The following TMEM236 variants were observed in gnomAD, a reference collection of about 807,000 sequenced individuals.
The protein encoded by TMEM236 is transmembrane protein 236, also known as family with sequence similarity 23, member A.
Under a neutral mutation model 14.7 loss-of-function variants are expected in TMEM236, and 11 were observed. The observed-to-expected ratio is 0.75, with a 90% CI of 0.47 to 1.24. TMEM236 has a LOEUF of 1.24. Ranked by LOEUF, TMEM236 falls within the 50% of genes most tolerant of loss-of-function variation. TMEM236 has a pLI of 0.00. For synonymous variants in TMEM236, 182 were observed against 168.6 expected, an observed-to-expected ratio of 1.08 and a Z score of -0.62; for missense variants, 464 against 427.3, an observed-to-expected ratio of 1.09 and a Z score of -0.76.
In TMEM236 at chr10:17,796,690, A is replaced by AC; in HGVS notation, c.*186_*187insC. ...TACATATACAAATGGTGCTAAATTTAAGTAAAGTAATATTCTTATAAGTTG... is the reference window on the plus strand; with the variant it reads ...TACATATACAAATGGTGCTAAATTTACAGTAAAGTAATATTCTTATAAGTTG... On this transcript the variant is annotated 3_prime_UTR_variant, in exon 4 of 4. Coordinates refer to ENST00000377495, the MANE Select transcript of TMEM236 (RefSeq NM_001098844.3). 1.6e-6 allele frequency: 1 copy of AC among 609,232 alleles called. No homozygotes were observed. The allele number at this position is 609,232 out of a possible 1,614,324, so 37.7% of individuals were successfully genotyped here.
At position 17,796,360 on chromosome 10, in the gene TMEM236, T is replaced by C. The variant is rs1838015396; in HGVS notation, c.912T>C (p.Val304=). ...TGCAAGATTTACCATTCGTTTTTGTTAGACTTGGTTTAATCATTGCCCTGG... is the reference window on the plus strand; with the variant it reads ...TGCAAGATTTACCATTCGTTTTTGTCAGACTTGGTTTAATCATTGCCCTGG... The part of the protein sequence containing the change: ...VLLQDLPFVF[V]RLGLIIALGT... The change falls in exon 4 of 4, where the codon GTT becomes GTC. Residue 304 remains valine (V), a synonymous_variant. Transcript: ENST00000377495. 2 of 1,613,952 alleles carry C rather than the reference T, an allele frequency of 1.2e-6. No individual in the cohort carries two copies. The highest frequency in any genetic ancestry group is 4.5e-5 in the East Asian group (2 of 44,892).
chr10:17,781,862 G>A (rs905921603), intron 3 of TMEM236, among the ~76,000 whole-genome samples: 1 of 151,890 alleles, frequency 6.6e-6, no homozygotes, highest in Non-Finnish European at 1.5e-5. Flanking sequence ...GTGTTTAAGA[G>A]TTGATGTTTT....
In TMEM236 at chr10:17,777,895, T is replaced by C. The variant is rs973552364; in HGVS notation, c.472+1725T>C. On this transcript the variant is annotated intron_variant, in intron 3 of 3. Transcript: ENST00000377495. ...CTGGGATTGCAGGCATGTGCCACCA[T>C]GCGTGGCTAATTTTTGTATTTTTAG... Among the ~76,000 whole-genome samples, 11 of 151,370 alleles carry C rather than the reference T, an allele frequency of 7.3e-5. No homozygotes were observed. The South Asian group carries it at 2.1e-3, about 29-fold the overall frequency.
At chr10:17,793,749 CTGGGATTACAGGCGTGAG>C (rs1837965450) in intron 3 of TMEM236, among the ~76,000 whole-genome samples, 1 of 152,190 alleles carries the variant, frequency 6.6e-6, no homozygotes, top group African/African-American at 2.4e-5. Flanking sequence ...TCCCAAACTG[CTGGGATTACAGGCGTGAG>C]CCATCACGCC....
At chr10:17,770,468 CT>C (rs1837551229) in intron 1 of TMEM236, among the ~76,000 whole-genome samples, 1 of 152,144 alleles carries the variant, frequency 6.6e-6, no homozygotes, top group Admixed American at 6.5e-5. Context: ...ACTGCAAGCT[CT>C]GCCTCCCGGG....
chr10:17,798,942 T>C lies in TMEM236; in HGVS notation c.*2438T>C. The C allele has an allele frequency of 3.0e-6, 1 of 332,122 alleles. No homozygotes were observed. Among genetic ancestry groups the C allele is most frequent in the Non-Finnish European group, 5.9e-6 (1 of 170,930 alleles). The allele number at this position is 332,122 out of a possible 1,614,324, so 20.6% of individuals were successfully genotyped here. Reference sequence around the variant, plus strand: ...GTTTTATTCTTTTCTGTGGCCCTGCTCACCCTCTGGGAATAATCATTTCAA... The same window carrying C: ...GTTTTATTCTTTTCTGTGGCCCTGCCCACCCTCTGGGAATAATCATTTCAA... On this transcript the variant is annotated 3_prime_UTR_variant, in exon 4 of 4. Transcript: ENST00000377495.
chr10:17,798,653 A>T lies in TMEM236; in HGVS notation c.*2149A>T, dbSNP rs1480214929. On this transcript the variant is annotated 3_prime_UTR_variant, in exon 4 of 4. Transcript: ENST00000377495. ...TAGGATTTTTCTCACACTGTAAAAG[A>T]AGATTTACTCACAGTTGTTAAAAGC... 3 of 534,432 alleles carry T rather than the reference A, an allele frequency of 5.6e-6. No homozygotes were observed. The highest frequency in any genetic ancestry group is 1.2e-5 in the Non-Finnish European group (3 of 259,936). 33.1% of individuals were successfully genotyped at this position (534,432 alleles called of 1,614,324 possible).
intron 3 of TMEM236, among the ~76,000 whole-genome samples, chr10:17,792,297 A>G (rs1419597953): frequency 1.3e-5 from 2 of 152,214 alleles, no homozygotes; most frequent in Non-Finnish European, 2.9e-5. Flanking sequence ...CACGTTAGCC[A>G]GGTTGATCTG....
chr10:17,772,500 C>T (rs1021276830), intron 2 of TMEM236, among the ~76,000 whole-genome samples: 21 of 152,194 alleles, frequency 1.4e-4, no homozygotes, highest in East Asian at 9.6e-4. Flanking sequence ...AACATCACTG[C>T]GGTAAACTGA....
intron 3 of TMEM236, among the ~76,000 whole-genome samples, chr10:17,776,544 T>A (rs1449540052): frequency 1.3e-5 from 2 of 152,230 alleles, no homozygotes; most frequent in African/African-American, 4.8e-5. Flanking sequence ...GTTTGGAGAC[T>A]TTTACTACAG....
chr10:17,775,266 T>C (rs1837641301), intron 2 of TMEM236, among the ~76,000 whole-genome samples: 1 of 152,036 alleles, frequency 6.6e-6, no homozygotes. Context: ...TTTGTTATTG[T>C]GGTTTGTTTT....
chr10:17,784,790 T>C (rs1837807023), intron 3 of TMEM236, among the ~76,000 whole-genome samples: 1 of 151,924 alleles, frequency 6.6e-6, no homozygotes. Context: ...CTGAGAACAA[T>C]GGAGATGGAT....
intron 3 of TMEM236, among the ~76,000 whole-genome samples, chr10:17,778,904 G>A (rs1453745389): frequency 1.3e-5 from 2 of 152,206 alleles, no homozygotes; most frequent in African/African-American, 2.4e-5. Context: ...TACTAACTTC[G>A]TATTACCAGT....
intron 3 of TMEM236, among the ~76,000 whole-genome samples, chr10:17,781,785 CGTGTGTGTGTTGTAT>C (rs1324081636): frequency 4.1e-5 from 6 of 147,128 alleles, no homozygotes; most frequent in African/African-American, 1.5e-4. Flanking sequence ...AATTTGCATG[CGTGTGTGTGTTGTAT>C]GTGTGTGTTT....
Position 17,752,418 on chromosome 10 carries a change from A to G in TMEM236, c.123A>G (p.Arg41=), listed in dbSNP as rs937611415. 6,950 of 1,613,962 alleles carry G rather than the reference A, an allele frequency of 4.3e-3. 31 individuals are homozygous for G. Among genetic ancestry groups the G allele is most frequent in the Non-Finnish European group, 4.9e-3 (5,779 of 1,179,872 alleles). ...CCGCCTACCAAGGAACAAGGGCTAGATCTGACAACACACACTACTGGCTGA... is the reference window on the plus strand; with the variant it reads ...CCGCCTACCAAGGAACAAGGGCTAGGTCTGACAACACACACTACTGGCTGA... The part of the protein sequence containing the change: ...FATAYQGTRA[R]SDNTHYWLII... Residue 41 remains arginine (R), a synonymous_variant, in exon 1 of 4, where the codon AGA becomes AGG. Transcript: ENST00000377495.
At chr10:17,778,703 A>C (rs1564598188) in intron 3 of TMEM236, among the ~76,000 whole-genome samples, 1 of 152,240 alleles carries the variant, frequency 6.6e-6, no homozygotes, top group Non-Finnish European at 1.5e-5. Flanking sequence ...ACTTTATGCT[A>C]GATGAAACCA....
intron 1 of TMEM236, among the ~76,000 whole-genome samples, chr10:17,755,065 A>C (rs944558549): frequency 1.3e-5 from 2 of 150,038 alleles, no homozygotes; most frequent in African/African-American, 4.9e-5. Flanking sequence ...CAGCCTCCTG[A>C]GTTGCTGGGA....
chr10:17,776,389 G>A (rs1428189851), intron 3 of TMEM236, among the ~76,000 whole-genome samples: 2 of 152,132 alleles, frequency 1.3e-5, no homozygotes, highest in Non-Finnish European at 2.9e-5. Flanking sequence ...TAGTAGTACT[G>A]ATAAATTAAA....
chr10:17,789,984 A>G (rs1837899125), intron 3 of TMEM236, among the ~76,000 whole-genome samples: 1 of 152,126 alleles, frequency 6.6e-6, no homozygotes, highest in African/African-American at 2.4e-5. Flanking sequence ...AGATCGCGCC[A>G]TGGCACTCCA....
Sources: gnomAD v4.1 joint callset for allele counts (sites outside exome capture counted in the v4.1 genomes callset) on GRCh38, gnomAD v4.1.1 for gene constraint, MANE v1.5 for transcripts, NCBI Gene and HGNC (gene_info 2026-07-23, HGNC 2026-07-21) for gene names.